Variants in TRIM9 observed in about 807,000 individuals in gnomAD.
The protein encoded by TRIM9 is E3 ubiquitin-protein ligase TRIM9.
A neutral mutation model predicts 78.3 loss-of-function variants in TRIM9; 26 were observed. The ratio of observed to expected loss-of-function variants is 0.33; its 90% CI spans 0.24 to 0.46. The LOEUF is 0.46. Among genes scored for constraint, TRIM9 ranks in the 20% least tolerant of loss-of-function variants. TRIM9 has a pLI of 1.00. For synonymous variants in TRIM9, 398 were observed against 416.5 expected, an observed-to-expected ratio of 0.96 and a Z score of 0.54; for missense variants, 787 against 1,036.4, an observed-to-expected ratio of 0.76 and a Z score of 3.30.
chr14:51,063,103 G>A (rs1458921175), intron 1 of TRIM9, among the ~76,000 whole-genome samples: 1 of 151,892 alleles, frequency 6.6e-6, no homozygotes, highest in Non-Finnish European at 1.5e-5. Flanking sequence ...ATGACTTAAA[G>A]GAAAAAATGA....
chr14:51,030,485 G>A (rs1423829188), intron 1 of TRIM9, among the ~76,000 whole-genome samples: 1 of 152,158 alleles, frequency 6.6e-6, no homozygotes. Context: ...AAGGGCTGGC[G>A]CAGTGAACAG....
intron 1 of TRIM9, among the ~76,000 whole-genome samples, chr14:51,066,107 G>GGGAGGGAC (rs2061717051): frequency 7.2e-6 from 1 of 138,608 alleles, no homozygotes; most frequent in African/African-American, 2.7e-5. Context: ...GAGGGACGGA[G>GGGAGGGAC]GGAGGGAGGG....
At chr14:50,993,114 C>T (rs1005769959) in intron 7 of TRIM9, among the ~76,000 whole-genome samples, 4 of 152,124 alleles carry the variant, frequency 2.6e-5, no homozygotes, top group African/African-American at 9.7e-5. Context: ...ATCAGAGCCT[C>T]AGAGATGTAG....
intron 1 of TRIM9, among the ~76,000 whole-genome samples, chr14:51,056,141 C>G (rs1464174182): frequency 6.6e-6 from 1 of 152,128 alleles, no homozygotes; most frequent in Non-Finnish European, 1.5e-5. Flanking sequence ...AAAAATTATG[C>G]ATATGGATTA....
At position 51,011,015 on chromosome 14, in the gene TRIM9, T is replaced by C. The variant is rs17123456; in HGVS notation, c.1042-521A>G. Among the ~76,000 whole-genome samples the C allele has an allele frequency of 2.8e-3, 434 of 152,306 alleles. 5 individuals carry two copies. In the South Asian group the frequency reaches 0.03, roughly 10 times the overall value. The stretch of plus-strand genomic sequence containing the variant: ...CCCACGGTCAATTGTTCTGCATCTT[T>C]TTCCTTGCGTGGATGGTGGGGGACC... On this transcript the variant is annotated intron_variant, in intron 3 of 12. Coordinates refer to ENST00000684578, the MANE Select transcript of TRIM9 (RefSeq NM_001387360.1).
intron 1 of TRIM9, among the ~76,000 whole-genome samples, chr14:51,051,983 A>G (rs1270814938): frequency 7.0e-6 from 1 of 142,426 alleles, no homozygotes; most frequent in Non-Finnish European, 1.5e-5. Flanking sequence ...GAAGGAAAAG[A>G]GAAGGGAAGG....
Position 51,000,676 on chromosome 14 carries a change from T to C in TRIM9, c.1464+7A>G, listed in dbSNP as rs1047251261. The C allele has an allele frequency of 1.9e-6, 3 of 1,613,916 alleles. No homozygotes were observed. Among genetic ancestry groups the C allele is most frequent in the African/African-American group, 2.7e-5 (2 of 74,926 alleles). ...GTTAACAAGTACGTAGTGGGCTGTC[T>C]ACTGACCCGGAATTGACCACCGTTG... On this transcript the variant is annotated splice_region_variant and intron_variant, in intron 6 of 12. Coordinates refer to ENST00000684578, the MANE Select transcript of TRIM9 (RefSeq NM_001387360.1).
intron 1 of TRIM9, among the ~76,000 whole-genome samples, chr14:51,079,206 A>C (rs1234519380): frequency 6.6e-6 from 1 of 152,244 alleles, no homozygotes; most frequent in Non-Finnish European, 1.5e-5. Flanking sequence ...AAAAGGGAGC[A>C]GAGGAATTTA....
intron 1 of TRIM9, among the ~76,000 whole-genome samples, chr14:51,064,181 T>C (rs2061565380): frequency 6.6e-6 from 1 of 152,254 alleles, no homozygotes; most frequent in South Asian, 2.1e-4. Flanking sequence ...ATAGACTGTG[T>C]ATATTGACTA....
intron 1 of TRIM9, among the ~76,000 whole-genome samples, chr14:51,091,851 A>C (rs2064363826): frequency 2.0e-5 from 3 of 152,212 alleles, no homozygotes. Flanking sequence ...ATCTCAACCC[A>C]GGCAGCACCA....
intron 1 of TRIM9, among the ~76,000 whole-genome samples, chr14:51,055,646 A>G (rs2060838234): frequency 6.6e-6 from 1 of 152,226 alleles, no homozygotes; most frequent in East Asian, 1.9e-4. Flanking sequence ...GAAGGTGGAA[A>G]AGGCAGGAAA....
chr14:51,002,454 C>T (rs1252477745), intron 5 of TRIM9, among the ~76,000 whole-genome samples: 1 of 152,124 alleles, frequency 6.6e-6, no homozygotes, highest in Non-Finnish European at 1.5e-5. Flanking sequence ...TTTTTGCCAG[C>T]TGCTTAAAAA....
intron 5 of TRIM9, among the ~76,000 whole-genome samples, chr14:51,008,608 C>T (rs2056150192): frequency 6.6e-6 from 1 of 152,142 alleles, no homozygotes; most frequent in Non-Finnish European, 1.5e-5. Context: ...ATTTTCCTTC[C>T]AGGCTTGCAT....
At chr14:51,059,875 G>A (rs2061203030) in intron 1 of TRIM9, among the ~76,000 whole-genome samples, 1 of 151,702 alleles carries the variant, frequency 6.6e-6, no homozygotes, top group Admixed American at 6.6e-5. Flanking sequence ...TCTTCTACTA[G>A]GAATATCTGA....
intron 5 of TRIM9, among the ~76,000 whole-genome samples, chr14:51,003,294 TC>T (rs962464607): frequency 8.5e-5 from 13 of 152,110 alleles, no homozygotes; most frequent in African/African-American, 3.1e-4. Context: ...CATGAATGAT[TC>T]CCCCCGGGGG....
At chr14:50,995,473 A>G (rs1262073728) in intron 7 of TRIM9, among the ~76,000 whole-genome samples, 1 of 152,168 alleles carries the variant, frequency 6.6e-6, no homozygotes, top group East Asian at 1.9e-4. Context: ...CGAAGAAAAA[A>G]CCAATCAAAA....
intron 1 of TRIM9, among the ~76,000 whole-genome samples, chr14:51,045,618 T>A (rs139301019): frequency 4.6e-4 from 70 of 152,288 alleles, no homozygotes; most frequent in African/African-American, 1.6e-3. Flanking sequence ...AAATGTGAGA[T>A]TACTGTCATT....
Position 51,022,827 on chromosome 14 carries a change from G to A in TRIM9, c.1041+8C>T. The A allele has an allele frequency of 6.2e-7, 1 of 1,614,010 alleles. No homozygotes were observed. The highest frequency in any genetic ancestry group is 1.3e-5 in the African/African-American group (1 of 75,046). ...GGCTTTCTGCTCTTCCCATGATGCA[G>A]CACTCACCTTCAGCTTGTGCTCATG... On this transcript the variant is annotated splice_region_variant and intron_variant, in intron 3 of 12. Transcript: ENST00000684578.
intron 2 of TRIM9, among the ~76,000 whole-genome samples, chr14:51,025,058 T>C (rs955053344): frequency 1.3e-5 from 2 of 152,348 alleles, no homozygotes; most frequent in East Asian, 1.9e-4. Context: ...TCAGGCTGTG[T>C]TTCCGGCTTG....
Sources: gnomAD v4.1 joint callset for allele counts (sites outside exome capture counted in the v4.1 genomes callset) on GRCh38, gnomAD v4.1.1 for gene constraint, MANE v1.5 for transcripts, NCBI Gene and HGNC (gene_info 2026-07-23, HGNC 2026-07-21) for gene names.